The following ANKRD36 variants were observed in gnomAD, a reference collection of about 807,000 sequenced individuals.
ANKRD36 encodes the protein ankyrin repeat domain-containing protein 36A.
A neutral mutation model predicts 278.1 loss-of-function variants in ANKRD36; 179 were observed. The ratio of observed to expected loss-of-function variants is 0.64; its 90% CI spans 0.57 to 0.73. The LOEUF (loss-of-function observed/expected upper bound fraction) is 0.73. ANKRD36 is among the 30% of genes least tolerant of loss of function. ANKRD36 has a pLI of 0.00. For missense variants in ANKRD36, 1,159 were observed against 1,956.7 expected, an observed-to-expected ratio of 0.59 and a Z score of 7.69; for synonymous variants, 320 against 641.1, an observed-to-expected ratio of 0.50 and a Z score of 7.57.
chr2:97,168,375 C>T (rs1438360813), intron 22 of ANKRD36, among the ~76,000 whole-genome samples: 2 of 152,256 alleles, frequency 1.3e-5, no homozygotes, highest in African/African-American at 4.8e-5. Context: ...AGCAATGACT[C>T]TGAGCTGTTT....
chr2:97,216,233 A>G (rs958265707), intron 62 of ANKRD36, among the ~76,000 whole-genome samples: 3 of 151,974 alleles, frequency 2.0e-5, no homozygotes, highest in Non-Finnish European at 4.4e-5. Flanking sequence ...TTGAATATGA[A>G]TACATTGGCT....
chr2:97,232,541 CCTT>C (rs1282477452), intron 67 of ANKRD36, among the ~76,000 whole-genome samples: 18 of 131,184 alleles, frequency 1.4e-4, no homozygotes, highest in Middle Eastern at 6.9e-3. Flanking sequence ...TAAGTAAAAA[CCTT>C]CTAATTTGAC....
At chr2:97,128,764 A>G (rs1210548965) in intron 6 of ANKRD36, among the ~76,000 whole-genome samples, 1 of 151,996 alleles carries the variant, frequency 6.6e-6, no homozygotes, top group African/African-American at 2.4e-5. Flanking sequence ...CTTAGTTTGT[A>G]CTGAAATCCC....
At chr2:97,131,974 C>A (rs185092175) in intron 6 of ANKRD36, among the ~76,000 whole-genome samples, 5,150 of 151,776 alleles carry the variant, frequency 0.034, 139 homozygotes, top group African/African-American at 0.066. Flanking sequence ...GACTACAGGC[C>A]TGCACCACCA....
At position 97,181,754 on chromosome 2, in the gene ANKRD36, A is replaced by G; in HGVS notation, c.1798A>G (p.Ile600Val). 2 of 1,609,610 alleles carry G rather than the reference A, an allele frequency of 1.2e-6. No individual in the cohort carries two copies. The highest frequency in any genetic ancestry group is 1.3e-5 in the African/African-American group (1 of 74,814). Residue 600 changes from isoleucine (I) to valine (V), a missense_variant, in exon 26 of 76, where the codon ATA (isoleucine) becomes GTA (valine). Physicochemically the swap from Ile to Val is conservative, Grantham distance 29. Transcript: ENST00000420699. The stretch of plus-strand genomic sequence containing the variant: ...TGACGAGAAAGATTCTGTTTCAAAT[A>G]TAGCCACAGAAATAAAGAAGGGACA... ...TSDEKDSVSNIATEIKKGQQS... is the reference protein window; with the variant it reads ...TSDEKDSVSNVATEIKKGQQS...
At chr2:97,228,949 G>T (rs369293160) in intron 67 of ANKRD36, among the ~76,000 whole-genome samples, 4 of 152,092 alleles carry the variant, frequency 2.6e-5, no homozygotes, top group African/African-American at 7.2e-5. Flanking sequence ...GAGCGGTTTT[G>T]AGTGAGTTTC....
intron 10 of ANKRD36, among the ~76,000 whole-genome samples, chr2:97,144,947 G>A (rs1381929427): frequency 1.3e-5 from 2 of 152,070 alleles, no homozygotes; most frequent in East Asian, 3.9e-4. Context: ...CAATTGGAGA[G>A]CAGTTCAAGA....
In ANKRD36 at chr2:97,187,313, T is replaced by G; in HGVS notation, c.2071-16T>G. On this transcript the variant is annotated splice_polypyrimidine_tract_variant and intron_variant, in intron 31 of 75. Coordinates refer to ENST00000420699, the MANE Select transcript of ANKRD36 (RefSeq NM_001354587.1). ...TTGATTTATTTATTTATTATTTTCT[T>G]TCAAATTCCATTCAGGCTACAACTG... 1 of 1,601,094 alleles carries G rather than the reference T, an allele frequency of 6.2e-7. No individual in the cohort carries two copies. The highest frequency in any genetic ancestry group is 8.5e-7 in the Non-Finnish European group (1 of 1,174,618).
At chr2:97,187,166 A>T (rs766249972) in intron 30 of ANKRD36, 32 bp from the exon 31 acceptor site, 29 of 1,608,578 alleles carry the variant, frequency 1.8e-5, no homozygotes, top group Middle Eastern at 2.3e-4. Flanking sequence ...ATATTTACAT[A>T]TGAGTGATTA....
intron 22 of ANKRD36, among the ~76,000 whole-genome samples, chr2:97,177,887 G>A (rs1006585309): frequency 1.3e-5 from 2 of 151,504 alleles, no homozygotes; most frequent in African/African-American, 2.4e-5. Flanking sequence ...AGAGTGAACA[G>A]GCAACCTACA....
chr2:97,171,588 T>C (rs1185507575), intron 22 of ANKRD36, among the ~76,000 whole-genome samples: 2 of 128,654 alleles, frequency 1.6e-5, no homozygotes, highest in Non-Finnish European at 3.3e-5. Flanking sequence ...CATTGGGAGA[T>C]ATACCTAATG....
chr2:97,200,312 A>T (rs779776781), intron 44 of ANKRD36, 22 bp from the exon 45 acceptor site: 7 of 1,607,372 alleles, frequency 4.4e-6, no homozygotes, highest in Non-Finnish European at 5.9e-6. Flanking sequence ...GTGAGTGATT[A>T]TGTATCCCTT....
intron 24 of ANKRD36, among the ~76,000 whole-genome samples, chr2:97,180,758 C>A (rs1015151300): frequency 1.3e-5 from 2 of 151,684 alleles, no homozygotes; most frequent in African/African-American, 4.8e-5. Context: ...ATACTCCCAA[C>A]AAGGCTATTT....
intron 22 of ANKRD36, among the ~76,000 whole-genome samples, chr2:97,179,046 CTT>C (rs922471696): frequency 5.9e-5 from 9 of 151,344 alleles, no homozygotes; most frequent in Non-Finnish European, 1.0e-4. Flanking sequence ...ATTTATTACA[CTT>C]TTTGATGAAG....
intron 4 of ANKRD36, among the ~76,000 whole-genome samples, chr2:97,123,796 T>C (rs1438776171): frequency 6.8e-6 from 1 of 146,528 alleles, no homozygotes; most frequent in Non-Finnish European, 1.5e-5. Context: ...ATATATACTT[T>C]ATAGATAATA....
chr2:97,195,630 A>G (rs1461115478), intron 40 of ANKRD36, among the ~76,000 whole-genome samples: 2 of 152,016 alleles, frequency 1.3e-5, no homozygotes, highest in Non-Finnish European at 2.9e-5. Context: ...TATAGAAATG[A>G]GATAAACTTG....
At chr2:97,214,516 T>TTTTCAATGA (rs2065437135) in intron 60 of ANKRD36, among the ~76,000 whole-genome samples, 1 of 149,668 alleles carries the variant, frequency 6.7e-6, no homozygotes, top group Non-Finnish European at 1.5e-5. Context: ...TTTCAATGAA[T>TTTTCAATGA]ATTGGAGTGA....
At chr2:97,232,203 AT>A (rs1180693989) in intron 67 of ANKRD36, among the ~76,000 whole-genome samples, 14 of 151,966 alleles carry the variant, frequency 9.2e-5, no homozygotes, top group African/African-American at 2.9e-4. Flanking sequence ...AGATAAAGTT[AT>A]TTTTAAAACA....
intron 69 of ANKRD36, among the ~76,000 whole-genome samples, chr2:97,243,109 G>A (rs1232278114): frequency 7.3e-6 from 1 of 137,208 alleles, no homozygotes; most frequent in Non-Finnish European, 1.6e-5. Context: ...TTTATTCTGA[G>A]CCAAATATGA....
Sources: gnomAD v4.1 joint callset for allele counts (sites outside exome capture counted in the v4.1 genomes callset) on GRCh38, gnomAD v4.1.1 for gene constraint, MANE v1.5 for transcripts, NCBI Gene and HGNC (gene_info 2026-07-23, HGNC 2026-07-21) for gene names.